Variants in LAMA1 observed in about 807,000 individuals in gnomAD.
LAMA1 encodes laminin subunit alpha-1.
In LAMA1, 219 loss-of-function variants were observed where a neutral mutation model predicts 348.7. The ratio of observed to expected loss-of-function variants is 0.63; its 90% CI spans 0.56 to 0.70. The LOEUF (loss-of-function observed/expected upper bound fraction) is 0.70, where lower values mean the gene tolerates loss of function less well. Among genes scored for constraint, LAMA1 ranks in the 30% least tolerant of loss-of-function variants. LAMA1 has a pLI of 0.00. For synonymous variants in LAMA1, 1,487 were observed against 1,491.0 expected (o/e 1.00, Z 0.06); for missense variants, 3,744 against 3,888.0 (o/e 0.96, Z 0.99).
intron 17 of LAMA1, among the ~76,000 whole-genome samples, chr18:7,025,701 A>G (rs2057939471): frequency 1.3e-5 from 2 of 152,192 alleles, no homozygotes; most frequent in Non-Finnish European, 2.9e-5. Flanking sequence ...AGTAGACAAC[A>G]TATACTTGTG....
chr18:7,100,502 A>AC (rs2058287319), intron 1 of LAMA1, among the ~76,000 whole-genome samples: 1 of 152,208 alleles, frequency 6.6e-6, no homozygotes, highest in Non-Finnish European at 1.5e-5. Flanking sequence ...ACCTATATCT[A>AC]AACAAAGAAT....
chr18:7,012,766 A>G lies in LAMA1; in HGVS notation c.3364-628T>C, dbSNP rs185818688. Among the ~76,000 whole-genome samples the G allele has an allele frequency of 7.8e-3, 1,180 of 150,328 alleles. 11 individuals carry two copies. The highest frequency in any genetic ancestry group is 0.011 in the Non-Finnish European group (723 of 67,698). Reference sequence around the variant, plus strand: ...GTGATTCACCCACCTCAGCCTTCCAAAGTGCTGGGATTACAGGTATGAGCC... The same window carrying G: ...GTGATTCACCCACCTCAGCCTTCCAGAGTGCTGGGATTACAGGTATGAGCC... On this transcript the variant is annotated intron_variant, in intron 23 of 62. Coordinates refer to ENST00000389658, the MANE Select transcript of LAMA1 (RefSeq NM_005559.4).
chr18:6,979,172 T>C (rs1330509849), intron 42 of LAMA1, among the ~76,000 whole-genome samples: 1 of 151,870 alleles, frequency 6.6e-6, no homozygotes. Flanking sequence ...AAATATACCA[T>C]GGCATCCTTA....
At chr18:7,054,492 T>C (rs552250199) in intron 3 of LAMA1, among the ~76,000 whole-genome samples, 3 of 152,318 alleles carry the variant, frequency 2.0e-5, no homozygotes, top group African/African-American at 7.2e-5. Context: ...AAAAATGCCT[T>C]TCTCCAGGTG....
intron 11 of LAMA1, 137 bp downstream of exon 11, chr18:7,038,673 C>A (rs1248245645): frequency 2.5e-6 from 3 of 1,199,474 alleles, no homozygotes; most frequent in Non-Finnish European, 3.7e-6. Flanking sequence ...CTGCCTTTGA[C>A]CCACGTCAGT....
At chr18:6,992,865 A>G in intron 35 of LAMA1, 145 bp from the exon 36 acceptor site, 1 of 662,562 alleles carries the variant, frequency 1.5e-6, no homozygotes, top group Non-Finnish European at 2.7e-6. Context: ...CACCTGGCAT[A>G]TCCCAGTGTA....
At chr18:6,949,904 G>C (rs1279825994) in intron 58 of LAMA1, among the ~76,000 whole-genome samples, 1 of 152,206 alleles carries the variant, frequency 6.6e-6, no homozygotes, top group Non-Finnish European at 1.5e-5. Context: ...CTGCTAAGAT[G>C]TAGGCATAAA....
At chr18:6,977,926 A>G in intron 43 of LAMA1, 45 bp from the exon 44 acceptor site, 1 of 1,594,410 alleles carries the variant, frequency 6.3e-7, no homozygotes. Flanking sequence ...AGTTGGGGAG[A>G]GGGAAAAACA....
chr18:7,097,130 C>T (rs945584132), intron 1 of LAMA1, among the ~76,000 whole-genome samples: 1 of 152,074 alleles, frequency 6.6e-6, no homozygotes, highest in South Asian at 2.1e-4. Context: ...GTTTTAGTCC[C>T]AGTAGGGTGC....
chr18:7,033,076 C>T lies in LAMA1; in HGVS notation c.2071G>A (p.Asp691Asn), dbSNP rs184077167. Residue 691 changes from aspartate to asparagine, a missense_variant, in exon 15 of 63, where the codon GAC becomes AAC. By Grantham distance (23) the Asp-to-Asn change is conservative. This residue lies in a region of LAMA1 where 1,529 missense variants were observed against 1,689.4 expected (regional missense o/e 0.91). Coordinates refer to ENST00000389658, the MANE Select transcript of LAMA1 (RefSeq NM_005559.4). ...ALYRLESVSL[D>N]IASSNAIDLV... ...TCGATGGCATTAGAGCTGGCTATGT[C>T]CAGAGAGACGGACTCCAACCTACAA... 4 of 1,611,086 alleles carry T rather than the reference C, an allele frequency of 2.5e-6. No homozygotes were observed. In the East Asian group the frequency reaches 8.9e-5, roughly 36 times the overall value.
chr18:6,973,248 T>C lies in LAMA1; in HGVS notation c.6624-41A>G, dbSNP rs747416373. On this transcript the variant is annotated intron_variant, in intron 46 of 62. Transcript: ENST00000389658. ...AATTGCAAAAGAAATTTTCAGAATT[T>C]CCAGTCAGCGCACATACAATCCCGT... 2.5e-6 allele frequency: 4 copies of C among 1,597,556 alleles called. No individual in the cohort carries two copies. The Admixed American group carries it at 5.0e-5, about 20-fold the overall frequency.
At chr18:7,026,725 C>T (rs531144485) in intron 16 of LAMA1, among the ~76,000 whole-genome samples, 2 of 152,212 alleles carry the variant, frequency 1.3e-5, no homozygotes, top group African/African-American at 2.4e-5. Context: ...CGGCCAGGTG[C>T]GGTGGCTCAT....
intron 1 of LAMA1, among the ~76,000 whole-genome samples, chr18:7,095,453 G>A (rs1017023755): frequency 2.6e-5 from 4 of 152,116 alleles, no homozygotes; most frequent in Admixed American, 2.6e-4. Context: ...CTCCCTTTCA[G>A]TTCTTGGTTG....
At position 6,997,785 on chromosome 18, in the gene LAMA1, T is replaced by A. The variant is rs369235031; in HGVS notation, c.4763A>T (p.Tyr1588Phe). Residue 1588 changes from tyrosine (Y) to phenylalanine (F), a missense_variant, in exon 33 of 63, where the codon TAT (tyrosine) becomes TTT (phenylalanine). Physicochemically the swap from Tyr to Phe is conservative, Grantham distance 22. This residue lies in a region of LAMA1 where 1,983 missense variants were observed against 1,934.3 expected (regional missense o/e 1.03). Transcript: ENST00000389658. ...LNLTGIIPVP[Y>F]GILSNLENTT... is the part of the protein sequence containing the mutation. ...ATTTTCCAGGTTTGACAAAATTCCA[T>A]ATGGGACAGGGATAATGCCAGTGAG... The A allele has an allele frequency of 1.9e-6, 3 of 1,613,948 alleles. No individual in the cohort carries two copies. The African/African-American group carries it at 4.0e-5, about 22-fold the overall frequency.
At chr18:7,049,398 C>G (rs2058054349) in intron 4 of LAMA1, 141 bp from the exon 5 acceptor site, 1 of 716,886 alleles carries the variant, frequency 1.4e-6, no homozygotes, top group East Asian at 2.8e-5. Context: ...CTCCCAGGTT[C>G]AAGCAATTCT....
intron 33 of LAMA1, 93 bp from the exon 34 acceptor site, chr18:6,995,539 G>A: frequency 2.6e-6 from 2 of 766,952 alleles, no homozygotes; most frequent in Non-Finnish European, 4.7e-6. Flanking sequence ...TTTGTTCACA[G>A]AAAGAAATTC....
At chr18:7,033,670 C>G (rs991888679) in intron 14 of LAMA1, among the ~76,000 whole-genome samples, 1 of 152,092 alleles carries the variant, frequency 6.6e-6, no homozygotes, top group Non-Finnish European at 1.5e-5. Flanking sequence ...AAAAATTAAT[C>G]CATTCAATTA....
intron 1 of LAMA1, among the ~76,000 whole-genome samples, chr18:7,113,475 G>A (rs533243038): frequency 6.6e-6 from 1 of 152,314 alleles, no homozygotes; most frequent in Admixed American, 6.5e-5. Flanking sequence ...CCCTGGAGAA[G>A]GATGTGGAGT....
chr18:6,977,750 G>A lies in LAMA1; in HGVS notation c.6322C>T (p.Gln2108Ter). The change falls in exon 44 of 63, where the codon CAG becomes TAG. Residue 2108 changes from glutamine to a stop codon, truncating the protein, a stop_gained. Transcript: ENST00000389658. LOFTEE classifies it high-confidence loss of function. ...NLSEIKLLISQARKQAASIKV... is the reference protein window; with the variant it reads ...NLSEIKLLIS The stretch of plus-strand genomic sequence containing the variant: ...ACAGAAGCTGCTTGTTTGCGGGCCT[G>A]GCTGATCAACAGTTTAATTTCTGAT... 1 of 1,614,142 alleles carries A rather than the reference G, an allele frequency of 6.2e-7. No individual in the cohort carries two copies. The highest frequency in any genetic ancestry group is 8.5e-7 in the Non-Finnish European group (1 of 1,180,006).
Sources: allele counts gnomAD v4.1 joint callset (sites outside exome capture counted in the v4.1 genomes callset), GRCh38; gene constraint gnomAD v4.1.1; regional missense constraint gnomAD v4.1.1; transcripts MANE v1.5; gene names NCBI Gene and HGNC (gene_info 2026-07-23, HGNC 2026-07-21).